The following SLC27A5 variants were observed in gnomAD, a reference collection of about 807,000 sequenced individuals.
The protein encoded by SLC27A5 is long-chain fatty acid transport protein 5.
A neutral mutation model predicts 63.1 loss-of-function variants in SLC27A5; 47 were observed. The ratio of observed to expected loss-of-function variants is 0.74; its 90% CI spans 0.59 to 0.95. SLC27A5 has a LOEUF of 0.95. Among genes scored for constraint, SLC27A5 ranks in the 40% least tolerant of loss-of-function variants. The pLI, the probability that SLC27A5 is intolerant of heterozygous loss-of-function variation, is 0.00. For synonymous variants in SLC27A5, 391 were observed against 403.8 expected (o/e 0.97, Z 0.38); for missense variants, 940 against 921.0 (o/e 1.02, Z -0.27).
chr19:58,503,752 CT>C (rs2053309986), intron 3 of SLC27A5, among the ~76,000 whole-genome samples: 1 of 152,096 alleles, frequency 6.6e-6, no homozygotes, highest in African/African-American at 2.4e-5. Context: ...GAACAGAGAC[CT>C]ACAAGCAAAT....
chr19:58,502,939 CG>C (rs1568629209), intron 3 of SLC27A5, among the ~76,000 whole-genome samples: 16 of 151,856 alleles, frequency 1.1e-4, no homozygotes, highest in South Asian at 2.1e-4. Flanking sequence ...GGGTGAGGAT[CG>C]TCACGCCTGT....
rs974449613 is a variant in SLC27A5 at position 58,500,780 on chromosome 19, G to C, written c.1183-74C>G. On this transcript the variant is annotated intron_variant, in intron 4 of 9. Coordinates refer to ENST00000263093, the MANE Select transcript of SLC27A5 (RefSeq NM_012254.3). ...GCCTTGGAACCTTTACCTAGAGGGG[G>C]TGTTATCCTGGGTCCTTACCTTGGG... The C allele has an allele frequency of 1.9e-6, 3 of 1,565,972 alleles. No homozygotes were observed. The African/African-American group carries it at 4.0e-5, about 21-fold the overall frequency.
At chr19:58,506,108 T>A (rs2053343777) in intron 3 of SLC27A5, among the ~76,000 whole-genome samples, 1 of 151,520 alleles carries the variant, frequency 6.6e-6, no homozygotes, top group Non-Finnish European at 1.5e-5. Context: ...TTTTTTTTTT[T>A]AACAGATGGA....
chr19:58,503,219 A>T (rs1047485638), intron 3 of SLC27A5, among the ~76,000 whole-genome samples: 33 of 147,304 alleles, frequency 2.2e-4, no homozygotes, highest in Non-Finnish European at 4.6e-4. Flanking sequence ...AAAAAAAAAA[A>T]GAAAAAGAGA....
Position 58,498,800 on chromosome 19 carries a change from A to G in SLC27A5, c.1881T>C (p.His627=), listed in dbSNP as rs2053238083. 1 of 1,613,922 alleles carries G rather than the reference A, an allele frequency of 6.2e-7. No individual in the cohort carries two copies. Among genetic ancestry groups the G allele is most frequent in the African/African-American group, 1.3e-5 (1 of 75,046 alleles). ...RAWLPAYATP[H]FIRIQDAMEV... ...CTGGGCTCACCTGGATGCGGATGAAATGGGGGGTAGCGTAGGCAGGGAGCC... is the reference window on the plus strand; with the variant it reads ...CTGGGCTCACCTGGATGCGGATGAAGTGGGGGGTAGCGTAGGCAGGGAGCC... Residue 627 remains histidine, a synonymous_variant, in exon 9 of 10, where the codon CAT becomes CAC. Coordinates refer to ENST00000263093, the MANE Select transcript of SLC27A5 (RefSeq NM_012254.3).
Position 58,510,835 on chromosome 19 carries a change from C to T in SLC27A5, c.784G>A (p.Gly262Arg). ...GCATCCAGGGCAGCCCCCAGAGCCC[C>T]CACCCCTGGTGTAGGGGAGGTATGG... Reference protein sequence around the residue: ...LSHTSPTPGVGALGAALDAAP... With the variant: ...LSHTSPTPGVRALGAALDAAP... The change falls in exon 2 of 10, where the codon GGG becomes AGG. Residue 262 changes from glycine to arginine, a missense_variant. By Grantham distance (125) the Gly-to-Arg change is moderately radical. Coordinates refer to ENST00000263093, the MANE Select transcript of SLC27A5 (RefSeq NM_012254.3). 1.2e-6 allele frequency: 2 copies of T among 1,613,278 alleles called. No homozygotes were observed. The highest frequency in any genetic ancestry group is 1.7e-4 in the Middle Eastern group (1 of 5,952).
chr19:58,507,032 C>T (rs1334396656), intron 3 of SLC27A5, among the ~76,000 whole-genome samples: 2 of 151,642 alleles, frequency 1.3e-5, no homozygotes, highest in African/African-American at 4.8e-5. Context: ...CGTGAACCAC[C>T]GGGCACAGCT....
chr19:58,500,298 G>A lies in SLC27A5; in HGVS notation c.1468+41C>T, dbSNP rs373965928. The A allele has an allele frequency of 3.4e-5, 53 of 1,550,716 alleles. No individual in the cohort carries two copies. In the Admixed American group the frequency reaches 8.0e-4, roughly 23 times the overall value. On this transcript the variant is annotated intron_variant, in intron 6 of 9. Transcript: ENST00000263093. ...CCAGCCAAGCAGAAGACTGAGGGTC[G>A]CCACCCCTGCCACCCAGGAAAGGCT... is the stretch of plus-strand genomic sequence containing the variant.
chr19:58,507,058 A>T (rs1016544018), intron 3 of SLC27A5, among the ~76,000 whole-genome samples: 2 of 147,966 alleles, frequency 1.4e-5, no homozygotes, highest in Non-Finnish European at 3.0e-5. Context: ...TTTCATAATT[A>T]AAAAAAAAAG....
In SLC27A5 at chr19:58,509,930, G is replaced by A; in HGVS notation, c.974C>T (p.Thr325Ile). The change falls in exon 3 of 10, where the codon ACA (threonine) becomes ATA (isoleucine). Residue 325 changes from threonine to isoleucine, a missense_variant. Transcript: ENST00000263093. Reference sequence around the variant, plus strand: ...GACCGTGTAAACCACATCATCAGCTGTGGCCCCAGATAAGGACAGCATCTT... The same window carrying A: ...GACCGTGTAAACCACATCATCAGCTATGGCCCCAGATAAGGACAGCATCTT... ...MSKMLSLSGATADDVVYTVLP... is the reference protein window; with the variant it reads ...MSKMLSLSGAIADDVVYTVLP... 6.2e-7 allele frequency: 1 copy of A among 1,614,120 alleles called. No individual in the cohort carries two copies. Among genetic ancestry groups the A allele is most frequent in the Non-Finnish European group, 8.5e-7 (1 of 1,180,024 alleles).
Position 58,498,895 on chromosome 19 carries a change from T to C in SLC27A5, c.1786A>G (p.Met596Val). The change falls in exon 9 of 10, where the codon ATG becomes GTG. Residue 596 changes from methionine (M) to valine (V), a missense_variant. Physicochemically the swap from Met to Val is conservative, Grantham distance 21. Coordinates refer to ENST00000263093, the MANE Select transcript of SLC27A5 (RefSeq NM_012254.3). ...CCGGGGGCTAGCTGCACAGCAGCCA[T>C]GCCCACCTTACCCTCACAACCTAGA... ...CVPGCEGKVG[M>V]AAVQLAPGQT... 6.2e-7 allele frequency: 1 copy of C among 1,613,174 alleles called. No individual in the cohort carries two copies. The highest frequency in any genetic ancestry group is 1.1e-5 in the South Asian group (1 of 91,058).
rs757127359 is a variant in SLC27A5 at position 58,511,403 on chromosome 19, C to G, written c.553G>C (p.Val185Leu). The G allele has an allele frequency of 6.2e-7, 1 of 1,607,958 alleles. No homozygotes were observed. Among genetic ancestry groups the G allele is most frequent in the African/African-American group, 1.3e-5 (1 of 74,890 alleles). The change falls in exon 1 of 10, where the codon GTT (valine) becomes CTT (leucine). Residue 185 changes from valine to leucine, a missense_variant. Val to Leu is a conservative substitution (Grantham distance 32). Coordinates refer to ENST00000263093, the MANE Select transcript of SLC27A5 (RefSeq NM_012254.3). ...TALLVLASQAVPALCMWLGLA... is the reference protein window; with the variant it reads ...TALLVLASQALPALCMWLGLA... ...CCCAGCCACATACACAGGGCTGGAACGGCCTGGGAAGCCAGCACAAGGAGG... is the reference window on the plus strand; with the variant it reads ...CCCAGCCACATACACAGGGCTGGAAGGGCCTGGGAAGCCAGCACAAGGAGG...
At chr19:58,509,563 C>T (rs1363133984) in intron 3 of SLC27A5, 2 of 312,742 alleles carry the variant, frequency 6.4e-6, no homozygotes, top group Non-Finnish European at 1.2e-5. Flanking sequence ...AAATCTGGGC[C>T]AGCATCCCCA....
Position 58,498,669 on chromosome 19 carries a change from G to C in SLC27A5, c.1919C>G (p.Thr640Arg). 6.2e-7 allele frequency: 1 copy of C among 1,614,058 alleles called. No homozygotes were observed. Among genetic ancestry groups the C allele is most frequent in the Admixed American group, 1.7e-5 (1 of 59,998 alleles). ...RIQDAMEVTS[T>R]FKLMKTRLVR... ...CAACCGGGTCTTCATCAGTTTGAAC[G>C]TGCTGGTGACCTCCATGGCGTCCTG... The change falls in exon 10 of 10, where the codon ACG becomes AGG. Residue 640 changes from threonine (T) to arginine (R), a missense_variant. Thr to Arg is a moderately conservative substitution (Grantham distance 71). Transcript: ENST00000263093.
At chr19:58,505,452 T>C (rs1052620006) in intron 3 of SLC27A5, among the ~76,000 whole-genome samples, 10 of 151,358 alleles carry the variant, frequency 6.6e-5, no homozygotes, top group Non-Finnish European at 1.3e-4. Flanking sequence ...AGGCTGATCT[T>C]GAACTCCTGA....
chr19:58,511,062 TC>T, intron 1 of SLC27A5, 132 bp from the exon 2 acceptor site: 1 of 927,574 alleles, frequency 1.1e-6, no homozygotes, highest in Non-Finnish European at 1.6e-6. Context: ...TGGTAAAGAA[TC>T]CCATCATTAG....
rs965150436 is a variant in SLC27A5 at position 58,510,072 on chromosome 19, G to A, written c.899-67C>T. ...AGCACAGAGAGGGGCCTGACCAGAG[G>A]GATAGATCTCCAACAGCCAGGCCTA... On this transcript the variant is annotated intron_variant, in intron 2 of 9. Transcript: ENST00000263093. The A allele has an allele frequency of 8.2e-5, 124 of 1,505,550 alleles. 1 individual carries two copies. The highest frequency in any genetic ancestry group is 1.0e-4 in the Non-Finnish European group (111 of 1,105,528). 93.3% of individuals were successfully genotyped at this position (1,505,550 alleles called of 1,614,324 possible).
intron 3 of SLC27A5, chr19:58,509,246 C>T (rs2003103): frequency 0.15 from 23,218 of 150,766 alleles, 2,395 homozygotes; most frequent in East Asian, 0.22. Flanking sequence ...ATTAGCCGGG[C>T]GTGGTGGTGG....
intron 3 of SLC27A5, among the ~76,000 whole-genome samples, chr19:58,502,504 G>A (rs2053287753): frequency 1.2e-5 from 1 of 85,236 alleles, no homozygotes; most frequent in African/African-American, 3.7e-5. Context: ...AACAGTTACA[G>A]TAGTGAGTGA....
Sources: allele counts gnomAD v4.1 joint callset (sites outside exome capture counted in the v4.1 genomes callset), GRCh38; gene constraint gnomAD v4.1.1; transcripts MANE v1.5; gene names NCBI Gene and HGNC (gene_info 2026-07-23, HGNC 2026-07-21).